Variants in GRM7 observed in about 807,000 individuals in gnomAD.
GRM7 encodes glutamate metabotropic receptor 7.
GRM7 carries 35 observed loss-of-function variants against 84.5 expected under a neutral mutation model. That is an observed-to-expected ratio of 0.41 (90% CI 0.32 to 0.55). GRM7 has a LOEUF of 0.55. Among genes scored for constraint, GRM7 ranks in the 20% least tolerant of loss-of-function variants. The pLI, the probability that GRM7 is intolerant of heterozygous loss-of-function variation, is 0.19. For missense variants in GRM7, 1,003 were observed against 1,194.6 expected (o/e 0.84, Z 2.36); for synonymous variants, 487 against 455.1 (o/e 1.07, Z -0.89).
At chr3:7,238,716 A>G (rs1697433992) in intron 2 of GRM7, among the ~76,000 whole-genome samples, 2 of 151,416 alleles carry the variant, frequency 1.3e-5, no homozygotes, top group South Asian at 4.2e-4. Context: ...ACACACATCT[A>G]GCCCTTTCTA....
At chr3:7,208,554 A>G (rs545190887) in intron 2 of GRM7, among the ~76,000 whole-genome samples, 5 of 152,298 alleles carry the variant, frequency 3.3e-5, no homozygotes, top group African/African-American at 1.2e-4. Context: ...AAAAGCAAGC[A>G]AGATGGAAGG....
chr3:7,191,666 C>T (rs558973513), intron 2 of GRM7, among the ~76,000 whole-genome samples: 1 of 150,282 alleles, frequency 6.7e-6, no homozygotes, highest in East Asian at 2.0e-4. Flanking sequence ...CTAGATGAAT[C>T]CATTTCTATG....
chr3:7,659,575 C>T (rs938717729), intron 8 of GRM7, among the ~76,000 whole-genome samples: 1 of 152,120 alleles, frequency 6.6e-6, no homozygotes, highest in Non-Finnish European at 1.5e-5. Flanking sequence ...AAAGTAATCA[C>T]CCATTGGAAG....
At chr3:7,553,604 G>A (rs1031817246) in intron 7 of GRM7, among the ~76,000 whole-genome samples, 8 of 152,164 alleles carry the variant, frequency 5.3e-5, no homozygotes, top group Admixed American at 3.9e-4. Flanking sequence ...GGAAGGTGAA[G>A]AGGGAGCACA....
chr3:7,239,793 C>G (rs1697481292), intron 2 of GRM7, among the ~76,000 whole-genome samples: 1 of 152,156 alleles, frequency 6.6e-6, no homozygotes, highest in African/African-American at 2.4e-5. Context: ...AGGCCTTGTG[C>G]TCCTTCTTTC....
At chr3:7,568,114 G>A (rs1694412055) in intron 7 of GRM7, among the ~76,000 whole-genome samples, 1 of 152,174 alleles carries the variant, frequency 6.6e-6, no homozygotes, top group South Asian at 2.1e-4. Flanking sequence ...TGGTGGCAGG[G>A]CTAGCTAAGG....
chr3:7,644,624 CTT>C (rs1698536222), intron 8 of GRM7, among the ~76,000 whole-genome samples: 1 of 152,180 alleles, frequency 6.6e-6, no homozygotes, highest in South Asian at 2.1e-4. Flanking sequence ...AGTTCTCAGT[CTT>C]TGAAAGGGTA....
chr3:7,212,353 A>T (rs1212820509), intron 2 of GRM7, among the ~76,000 whole-genome samples: 1 of 152,058 alleles, frequency 6.6e-6, no homozygotes, highest in African/African-American at 2.4e-5. Flanking sequence ...TCATTCATTC[A>T]TTCATTCAAT....
intron 2 of GRM7, among the ~76,000 whole-genome samples, chr3:7,259,405 G>C (rs936104943): frequency 6.6e-6 from 1 of 152,136 alleles, no homozygotes. Flanking sequence ...GTACACAATA[G>C]TTATTTTTTT....
Position 6,951,145 on chromosome 3 carries a change from C to A in GRM7, c.519+89238C>A, listed in dbSNP as rs1001104762. Among the ~76,000 whole-genome samples the A allele has an allele frequency of 2.0e-5, 3 of 152,244 alleles. No homozygotes were observed. In the South Asian group the frequency reaches 6.2e-4, roughly 32 times the overall value. ...TCTTCTGCGTCGCTCACACTGGAAGCTGTAGACTGGAGCTGTTCCTATTCG... is the reference window on the plus strand; with the variant it reads ...TCTTCTGCGTCGCTCACACTGGAAGATGTAGACTGGAGCTGTTCCTATTCG... On this transcript the variant is annotated intron_variant, in intron 1 of 9. Coordinates refer to ENST00000357716, the MANE Select transcript of GRM7 (RefSeq NM_000844.4).
chr3:7,637,667 G>A (rs1378697309), intron 8 of GRM7, among the ~76,000 whole-genome samples: 2 of 152,176 alleles, frequency 1.3e-5, no homozygotes, highest in African/African-American at 2.4e-5. Context: ...ACACCTACCT[G>A]CGGACACGCT....
chr3:7,138,386 T>C (rs1226791057), intron 1 of GRM7, among the ~76,000 whole-genome samples: 1 of 151,944 alleles, frequency 6.6e-6, no homozygotes, highest in African/African-American at 2.4e-5. Context: ...CAGAAGAAAA[T>C]GTTTTTGTAT....
intron 1 of GRM7, among the ~76,000 whole-genome samples, chr3:7,079,468 T>TA (rs1294917948): frequency 2.0e-5 from 3 of 152,160 alleles, no homozygotes; most frequent in Admixed American, 6.6e-5. Flanking sequence ...ACTGTTAGAA[T>TA]AAAAAATGGA....
intron 2 of GRM7, among the ~76,000 whole-genome samples, chr3:7,200,512 C>T (rs1358280219): frequency 6.6e-6 from 1 of 152,226 alleles, no homozygotes; most frequent in Non-Finnish European, 1.5e-5. Context: ...TGATTTCTAA[C>T]AAGCTCCCAG....
At chr3:7,321,098 A>G (rs987935576) in intron 4 of GRM7, among the ~76,000 whole-genome samples, 3 of 152,004 alleles carry the variant, frequency 2.0e-5, no homozygotes, top group African/African-American at 7.2e-5. Flanking sequence ...ATACAGACAT[A>G]CAGTAAAGTC....
At chr3:7,656,459 G>C (rs185868304) in intron 8 of GRM7, among the ~76,000 whole-genome samples, 278 of 151,428 alleles carry the variant, frequency 1.8e-3, no homozygotes, top group African/African-American at 6.0e-3. Context: ...TCATGCCACT[G>C]TACTCCAGTC....
At chr3:7,340,834 C>G (rs906371927) in intron 4 of GRM7, among the ~76,000 whole-genome samples, 1 of 152,108 alleles carries the variant, frequency 6.6e-6, no homozygotes, top group Non-Finnish European at 1.5e-5. Flanking sequence ...TCACAAAAGC[C>G]AGCTTGAATT....
At chr3:7,342,165 T>G (rs980414336) in intron 4 of GRM7, among the ~76,000 whole-genome samples, 5 of 152,164 alleles carry the variant, frequency 3.3e-5, no homozygotes, top group African/African-American at 1.2e-4. Flanking sequence ...TTAATTGTTT[T>G]ATGTCCCAAT....
chr3:7,516,816 G>A (rs1200332222), intron 7 of GRM7, among the ~76,000 whole-genome samples: 1 of 152,178 alleles, frequency 6.6e-6, no homozygotes, highest in African/African-American at 2.4e-5. Flanking sequence ...AAGCATTTTA[G>A]CATTTTTTCA....
Sources: gnomAD v4.1 joint callset for allele counts (sites outside exome capture counted in the v4.1 genomes callset) on GRCh38, gnomAD v4.1.1 for gene constraint, MANE v1.5 for transcripts, NCBI Gene and HGNC (gene_info 2026-07-23, HGNC 2026-07-21) for gene names.